RDM1: variants seen among roughly 807,000 people sequenced by gnomAD.
RDM1 encodes the protein RAD52 motif containing 1.
In RDM1, 28 loss-of-function variants were observed where a neutral mutation model predicts 27.7. The ratio of observed to expected loss-of-function variants is 1.01; its 90% CI spans 0.75 to 1.39. The LOEUF is 1.39. Ranked by LOEUF, RDM1 falls within the 40% of genes most tolerant of loss-of-function variation. The pLI is 0.00. For synonymous variants in RDM1, 124 were observed against 127.5 expected (o/e 0.97, Z 0.19); for missense variants, 277 against 337.3 (o/e 0.82, Z 1.40).
intron 2 of RDM1, among the ~76,000 whole-genome samples, chr17:35,928,422 G>T (rs1266301677): frequency 6.6e-6 from 1 of 152,184 alleles, no homozygotes; most frequent in Non-Finnish European, 1.5e-5. Flanking sequence ...TTATGTAACA[G>T]CTGGCAGAAG....
At chr17:35,926,907 A>G (rs528371801) in intron 2 of RDM1, among the ~76,000 whole-genome samples, 1 of 152,260 alleles carries the variant, frequency 6.6e-6, no homozygotes, top group South Asian at 2.1e-4. Flanking sequence ...ACTTTCTCCA[A>G]CTGAAAAGAA....
chr17:35,922,916 T>G (rs1211975154), intron 4 of RDM1, among the ~76,000 whole-genome samples: 1 of 152,112 alleles, frequency 6.6e-6, no homozygotes, highest in Non-Finnish European at 1.5e-5. Context: ...GCCAAGAACC[T>G]GGCACATGTC....
chr17:35,925,742 C>T, intron 2 of RDM1, 105 bp from the exon 3 acceptor site: 1 of 1,315,466 alleles, frequency 7.6e-7, no homozygotes, highest in South Asian at 1.4e-5. Flanking sequence ...AAAATTGTTA[C>T]TGTCTTCCCA....
At chr17:35,924,023 G>A (rs867015104) in intron 4 of RDM1, among the ~76,000 whole-genome samples, 46 of 151,964 alleles carry the variant, frequency 3.0e-4, no homozygotes, top group African/African-American at 9.7e-4. Context: ...AGACCAGGTG[G>A]GACAACACAG....
In RDM1 at chr17:35,918,151, A is replaced by G. The variant is rs138611784; in HGVS notation, c.*191T>C. On this transcript the variant is annotated 3_prime_UTR_variant, in exon 7 of 7. Transcript: ENST00000620284. Reference sequence around the variant, plus strand: ...GTCACCAGGGCGATCTTATCCCACAATCCTACCCAAGCCTCCCTTCCCACT... The same window carrying G: ...GTCACCAGGGCGATCTTATCCCACAGTCCTACCCAAGCCTCCCTTCCCACT... The G allele has an allele frequency of 7.7e-4, 464 of 602,984 alleles. 5 individuals carry two copies. The East Asian group carries it at 0.012, about 16-fold the overall frequency. 37.4% of individuals were successfully genotyped at this position (602,984 alleles called of 1,614,324 possible).
chr17:35,930,662 C>G lies in RDM1; in HGVS notation c.66G>C (p.Leu22=). The G allele has an allele frequency of 6.2e-7, 1 of 1,613,868 alleles. No individual in the cohort carries two copies. The highest frequency in any genetic ancestry group is 1.1e-5 in the South Asian group (1 of 91,076). The change falls in exon 1 of 7, where the codon CTG becomes CTC. Residue 22 remains leucine (L), a synonymous_variant. Transcript: ENST00000620284. The part of the protein sequence containing the change: ...ESDKTLLVWE[L]SSGPTAEALH... ...AAGCCTCGGCCGTGGGTCCGGAGCT[C>G]AGCTCCCACACTAGCAAGGTTTTGT... is the stretch of plus-strand genomic sequence containing the variant.
intron 5 of RDM1, among the ~76,000 whole-genome samples, chr17:35,921,918 CTTTTTTTTT>C (rs755056334): frequency 1.7e-5 from 2 of 116,018 alleles, no homozygotes; most frequent in Non-Finnish European, 3.6e-5. Flanking sequence ...ATTAAAAAAT[CTTTTTTTTT>C]TTTTTTTTTT....
rs1426605376 is a variant in RDM1 at position 35,918,327 on chromosome 17, G to C, written c.*15C>G. ...AAGGAAGTTACATGACCTCGCCTTG[G>C]GATATTCAGAAATGCTAGTCAAGTT... On this transcript the variant is annotated 3_prime_UTR_variant, in exon 7 of 7. Transcript: ENST00000620284. The C allele has an allele frequency of 1.2e-6, 2 of 1,608,672 alleles. No homozygotes were observed. Among genetic ancestry groups the C allele is most frequent in the Non-Finnish European group, 1.7e-6 (2 of 1,176,384 alleles).
At chr17:35,926,594 TG>T (rs1276888494) in intron 2 of RDM1, among the ~76,000 whole-genome samples, 1 of 152,054 alleles carries the variant, frequency 6.6e-6, no homozygotes, top group African/African-American at 2.4e-5. Context: ...TTAGTAGAGA[TG>T]GGGTTTCACC....
rs1035103044 is a variant in RDM1, at chr17:35,926,504, C to T, written c.277-867G>A. On this transcript the variant is annotated intron_variant, in intron 2 of 6. Transcript: ENST00000620284. ...CTGCAAGCTCCGCCTGCCAGGTTCA[C>T]GCCATTCTCCTGCCTCAGCCTCCCG... 4.6e-5 allele frequency among the ~76,000 whole-genome samples: 7 copies of T among 152,148 alleles called. 1 individual carries two copies. The highest frequency in any genetic ancestry group is 6.5e-5 in the Admixed American group (1 of 15,282).
intron 5 of RDM1, among the ~76,000 whole-genome samples, 184 bp from the exon 6 acceptor site, chr17:35,920,456 C>CTTTTTTT (rs60990791): frequency 8.5e-6 from 1 of 118,024 alleles, no homozygotes; most frequent in Non-Finnish European, 1.6e-5. Context: ...TTCTTTCTTT[C>CTTTTTTT]TTTTTTTTTT....
At chr17:35,925,138 C>G (rs939114543) in intron 3 of RDM1, among the ~76,000 whole-genome samples, 1 of 151,592 alleles carries the variant, frequency 6.6e-6, no homozygotes, top group Non-Finnish European at 1.5e-5. Flanking sequence ...GTCTCAAAAA[C>G]AAAACAAAAC....
chr17:35,918,619 A>AG (rs1442339055), intron 6 of RDM1, among the ~76,000 whole-genome samples, 176 bp from the exon 7 acceptor site: 2 of 152,092 alleles, frequency 1.3e-5, no homozygotes, highest in African/African-American at 4.8e-5. Flanking sequence ...TTTCTGTAGG[A>AG]GGGGTTTTGG....
At chr17:35,926,464 C>T (rs954000139) in intron 2 of RDM1, among the ~76,000 whole-genome samples, 6 of 151,778 alleles carry the variant, frequency 4.0e-5, no homozygotes, top group Non-Finnish European at 7.4e-5. Context: ...AGTGCAGTGG[C>T]GCGATCTTGG....
At position 35,925,499 on chromosome 17, in the gene RDM1, A is replaced by T; in HGVS notation, c.399+16T>A. The T allele has an allele frequency of 6.2e-7, 1 of 1,611,920 alleles. No homozygotes were observed. On this transcript the variant is annotated intron_variant, in intron 3 of 6. Transcript: ENST00000620284. ...AAGGAGAGTGTGGTAAGTGAAAAAAAATCTACAAGGTTTACCTTGATGATC... is the reference window on the plus strand; with the variant it reads ...AAGGAGAGTGTGGTAAGTGAAAAAATATCTACAAGGTTTACCTTGATGATC...
At chr17:35,923,207 C>T (rs764687473) in intron 4 of RDM1, among the ~76,000 whole-genome samples, 26 of 151,606 alleles carry the variant, frequency 1.7e-4, no homozygotes, top group Admixed American at 5.3e-4. Context: ...AAAAATTAGC[C>T]GGGTGTGGTG....
At position 35,930,465 on chromosome 17, in the gene RDM1, C is replaced by CT. The variant is rs552614031; in HGVS notation, c.96+166dup. 2.8e-3 allele frequency: 2,513 copies of CT among 882,636 alleles called. 11 individuals carry two copies. Among genetic ancestry groups the CT allele is most frequent in the Non-Finnish European group, 3.5e-3 (2,046 of 590,222 alleles). The allele number at this position is 882,636 out of a possible 1,614,324, so 54.7% of individuals were successfully genotyped here. A position where few individuals can be genotyped will look rare whatever the true frequency, so the allele number is the denominator to read the frequency against. The stretch of plus-strand genomic sequence containing the variant: ...GGTGGAGAGATACCTCTCCGGGACT[C>CT]TAAAAATCTGTTGGGGGTCGTCAGT... On this transcript the variant is annotated intron_variant, in intron 1 of 6. Transcript: ENST00000620284.
At position 35,918,294 on chromosome 17, in the gene RDM1, A is replaced by G. The variant is rs1339927403; in HGVS notation, c.*48T>C. On this transcript the variant is annotated 3_prime_UTR_variant, in exon 7 of 7. Coordinates refer to ENST00000620284, the MANE Select transcript of RDM1 (RefSeq NM_145654.4). The stretch of plus-strand genomic sequence containing the variant: ...GCGGCGTGGGGTAGGGGCACGACAG[A>G]GCTTCCCAAGGAAGTTACATGACCT... 1.9e-6 allele frequency: 3 copies of G among 1,544,466 alleles called. No homozygotes were observed. Among genetic ancestry groups the G allele is most frequent in the African/African-American group, 2.7e-5 (2 of 73,416 alleles).
Position 35,918,267 on chromosome 17 carries a change from G to T in RDM1, c.*75C>A. 2 of 1,260,916 alleles carry T rather than the reference G, an allele frequency of 1.6e-6. No homozygotes were observed. Among genetic ancestry groups the T allele is most frequent in the Non-Finnish European group, 2.3e-6 (2 of 869,272 alleles). The allele number at this position is 1,260,916 out of a possible 1,614,324, so 78.1% of individuals were successfully genotyped here. Reference sequence around the variant, plus strand: ...AGGACTCCAGCAGCCTATAGTGGTGGGGCGGCGTGGGGTAGGGGCACGACA... The same window carrying T: ...AGGACTCCAGCAGCCTATAGTGGTGTGGCGGCGTGGGGTAGGGGCACGACA... On this transcript the variant is annotated 3_prime_UTR_variant, in exon 7 of 7. Transcript: ENST00000620284.
Sources: allele counts gnomAD v4.1 joint callset (sites outside exome capture counted in the v4.1 genomes callset), GRCh38; gene constraint gnomAD v4.1.1; transcripts MANE v1.5; gene names NCBI Gene and HGNC (gene_info 2026-07-23, HGNC 2026-07-21).